GIGYF2: variants seen among roughly 807,000 people sequenced by gnomAD.
GIGYF2 encodes the protein GRB10 interacting GYF protein 2.
In GIGYF2, 25 loss-of-function variants were observed where a neutral mutation model predicts 208.1. The observed-to-expected ratio is 0.12, with a 90% confidence interval of 0.09 to 0.17. The LOEUF is 0.17. Ranked by LOEUF, GIGYF2 falls within the 10% of genes least tolerant of loss-of-function variation. The probability of loss-of-function intolerance (pLI) is 1.00; values close to 1 mark genes in which losing one functional copy is unlikely to be tolerated. For missense variants in GIGYF2, 1,302 were observed against 1,579.4 expected (o/e 0.82, Z 2.98); for synonymous variants, 534 against 543.8 (o/e 0.98, Z 0.25).
At chr2:232,711,058 G>A (rs1696371653) in intron 2 of GIGYF2, among the ~76,000 whole-genome samples, 1 of 150,966 alleles carries the variant, frequency 6.6e-6, no homozygotes, top group East Asian at 1.9e-4. Context: ...GCTCTCTAGG[G>A]TATGTATGTA....
chr2:232,802,992 C>T (rs866960704), intron 14 of GIGYF2, among the ~76,000 whole-genome samples: 4 of 151,976 alleles, frequency 2.6e-5, no homozygotes, highest in South Asian at 2.1e-4. Context: ...CGCTGTCTCC[C>T]GAGCTCAAGC....
intron 5 of GIGYF2, 76 bp from the exon 6 acceptor site, chr2:232,756,147 G>A: frequency 1.2e-6 from 1 of 800,668 alleles, no homozygotes. Context: ...GAAGCAACAT[G>A]TAGTTTTATC....
intron 5 of GIGYF2, among the ~76,000 whole-genome samples, chr2:232,751,704 A>G (rs1349933010): frequency 6.6e-6 from 1 of 152,196 alleles, no homozygotes; most frequent in East Asian, 1.9e-4. Context: ...AGGACATGCT[A>G]CTAGTTACCA....
chr2:232,766,011 C>T (rs1441789414), intron 8 of GIGYF2: 1 of 471,094 alleles, frequency 2.1e-6, no homozygotes, highest in Admixed American at 2.3e-5. Context: ...AAAGGCAGAG[C>T]AGCCATTCCT....
At chr2:232,775,192 A>T (rs1358397063) in intron 8 of GIGYF2, among the ~76,000 whole-genome samples, 2 of 151,932 alleles carry the variant, frequency 1.3e-5, no homozygotes, top group East Asian at 3.9e-4. Flanking sequence ...TATTCTGTGG[A>T]CTCTTATAGT....
chr2:232,832,991 G>A lies in GIGYF2; in HGVS notation c.2664G>A (p.Glu888=). The change falls in exon 22 of 29, where the codon GAG becomes GAA. Residue 888 remains glutamate (E), a synonymous_variant. Coordinates refer to ENST00000373563, the MANE Select transcript of GIGYF2 (RefSeq NM_001103146.3). ...EEEERKRKEL[E]VQRQKELMRQ... is the part of the protein sequence containing the mutation. ...AAGAACGGAAGAGAAAGGAGCTGGA[G>A]GTCCAGCGGCAGAAGGAGTTAATGC... 1 of 1,575,386 alleles carries A rather than the reference G, an allele frequency of 6.3e-7. No homozygotes were observed. The highest frequency in any genetic ancestry group is 8.6e-7 in the Non-Finnish European group (1 of 1,160,100).
At chr2:232,852,113 A>C (rs560155427) in intron 28 of GIGYF2, among the ~76,000 whole-genome samples, 5 of 152,164 alleles carry the variant, frequency 3.3e-5, no homozygotes, top group African/African-American at 1.2e-4. Context: ...CATCATGAAG[A>C]GCGTGAGACC....
In GIGYF2 at chr2:232,756,581, A is replaced by G. The variant is rs13430365; in HGVS notation, c.379+247A>G. On this transcript the variant is annotated intron_variant, in intron 6 of 28. Transcript: ENST00000373563. ...ACATGAGGGAGTCTAGACAGTCCCA[A>G]TTCACTCCAACAGATCCATGTTCCT... 0.023 allele frequency among the ~76,000 whole-genome samples: 3,557 copies of G among 152,232 alleles called. 149 individuals are homozygous for G. The highest frequency in any genetic ancestry group is 0.08 in the African/African-American group (3,330 of 41,540).
intron 3 of GIGYF2, among the ~76,000 whole-genome samples, chr2:232,745,938 T>C (rs1361757697): frequency 6.6e-6 from 1 of 152,154 alleles, no homozygotes; most frequent in Non-Finnish European, 1.5e-5. Flanking sequence ...ATATCATGGA[T>C]AAAATCAGCA....
Position 232,858,476 on chromosome 2 carries a change from G to A in GIGYF2, c.*1616G>A. On this transcript the variant is annotated 3_prime_UTR_variant, in exon 29 of 29. Transcript: ENST00000373563. Reference sequence around the variant, plus strand: ...GGGGAGAGGAAACCATTAAAAGTTGGGGCTCCTACTCTCCTTTGCTTTGTA... The same window carrying A: ...GGGGAGAGGAAACCATTAAAAGTTGAGGCTCCTACTCTCCTTTGCTTTGTA... The A allele has an allele frequency of 2.2e-6, 1 of 455,332 alleles. No individual in the cohort carries two copies. Among genetic ancestry groups the A allele is most frequent in the South Asian group, 1.6e-5 (1 of 64,310 alleles). The allele number at this position is 455,332 out of a possible 1,614,324, so 28.2% of individuals were successfully genotyped here.
In GIGYF2 at chr2:232,790,749, T is replaced by A; in HGVS notation, c.764T>A (p.Phe255Tyr). The A allele has an allele frequency of 6.2e-7, 1 of 1,614,022 alleles. No homozygotes were observed. The stretch of plus-strand genomic sequence containing the variant: ...GAACACATGGAACGACGTCGGAGGT[T>A]TGAGTTTGATTTTCGAGATAGAGAT... ...WREHMERRRR[F>Y]EFDFRDRDDE... The change falls in exon 10 of 29, where the codon TTT (phenylalanine) becomes TAT (tyrosine). Residue 255 changes from phenylalanine (F) to tyrosine (Y), a missense_variant. Around this residue, in one of 8 missense-constraint regions of GIGYF2, gnomAD observed 50 missense variants for 42.3 expected, o/e 1.18. Coordinates refer to ENST00000373563, the MANE Select transcript of GIGYF2 (RefSeq NM_001103146.3).
At chr2:232,849,226 G>A (rs1429657289) in intron 27 of GIGYF2, among the ~76,000 whole-genome samples, 5 of 152,156 alleles carry the variant, frequency 3.3e-5, no homozygotes, top group East Asian at 1.9e-4. Flanking sequence ...GTGCAGTAGC[G>A]CGATCTCAGC....
intron 28 of GIGYF2, among the ~76,000 whole-genome samples, chr2:232,855,456 T>C (rs11904619): frequency 0.19 from 28,636 of 152,216 alleles, 2,894 homozygotes; most frequent in Non-Finnish European, 0.21. Flanking sequence ...AATTCCCTTT[T>C]GGTTAATCAA....
chr2:232,726,359 GCT>G (rs1697201955), intron 2 of GIGYF2, among the ~76,000 whole-genome samples: 2 of 132,450 alleles, frequency 1.5e-5, no homozygotes, highest in Admixed American at 7.9e-5. Flanking sequence ...ACAGAGCAAG[GCT>G]CTGTCTCAAA....
rs1186358075 is a variant in GIGYF2, at chr2:232,857,783, A to T, written c.*923A>T. ...CATATGTATGAATTTGTATAATTTC[A>T]TTTTTGGATAGGGATAAACTTTTGC... On this transcript the variant is annotated 3_prime_UTR_variant, in exon 29 of 29. Coordinates refer to ENST00000373563, the MANE Select transcript of GIGYF2 (RefSeq NM_001103146.3). 6.6e-6 allele frequency: 1 copy of T among 152,598 alleles called. No individual in the cohort carries two copies. The highest frequency in any genetic ancestry group is 1.9e-4 in the East Asian group (1 of 5,194). The allele number at this position is 152,598 out of a possible 1,614,324, so 9.5% of individuals were successfully genotyped here. A position where few individuals can be genotyped will look rare whatever the true frequency, so the allele number is the denominator to read the frequency against.
chr2:232,773,371 A>G (rs1329639754), intron 8 of GIGYF2, among the ~76,000 whole-genome samples: 1 of 152,180 alleles, frequency 6.6e-6, no homozygotes, highest in Non-Finnish European at 1.5e-5. Flanking sequence ...AGATGAAGTC[A>G]CTGGTGCTCA....
intron 2 of GIGYF2, among the ~76,000 whole-genome samples, chr2:232,712,422 C>T (rs1042895161): frequency 2.0e-5 from 3 of 152,164 alleles, no homozygotes; most frequent in South Asian, 4.1e-4. Flanking sequence ...TTTATTCCCT[C>T]GTCATGGGCA....
At chr2:232,764,492 G>A (rs76195977) in intron 8 of GIGYF2, 7,653 of 152,632 alleles carry the variant, frequency 0.05, 280 homozygotes, top group East Asian at 0.18. Flanking sequence ...GATGGGAACT[G>A]TGTGAAGGAA....
Position 232,806,340 on chromosome 2 carries a change from G to A in GIGYF2, c.1640-151G>A. 1.5e-6 allele frequency: 1 copy of A among 678,288 alleles called. No homozygotes were observed. Among genetic ancestry groups the A allele is most frequent in the South Asian group, 1.7e-5 (1 of 59,960 alleles). The allele number at this position is 678,288 out of a possible 1,614,324, so 42.0% of individuals were successfully genotyped here. On this transcript the variant is annotated intron_variant, in intron 14 of 28. Coordinates refer to ENST00000373563, the MANE Select transcript of GIGYF2 (RefSeq NM_001103146.3). This position sits in a 1 kb window ranked among gnomAD's most constrained non-coding sequence, Gnocchi z 4.0. ...AAATTATTTTAGTAGTTAGAAATCTGTTAGCTACCTTTAGAGGTGAATTAA... is the reference window on the plus strand; with the variant it reads ...AAATTATTTTAGTAGTTAGAAATCTATTAGCTACCTTTAGAGGTGAATTAA...
Sources: gnomAD v4.1 joint callset for allele counts (sites outside exome capture counted in the v4.1 genomes callset) on GRCh38, gnomAD v4.1.1 for gene constraint, gnomAD v4.1.1 regional missense constraint, Gnocchi (gnomAD v3.1) non-coding constraint, MANE v1.5 for transcripts, NCBI Gene and HGNC (gene_info 2026-07-23, HGNC 2026-07-21) for gene names.